ELL2: variants seen among roughly 807,000 people sequenced by gnomAD.
ELL2 encodes RNA polymerase II elongation factor ELL2.
Under a neutral mutation model 72.8 loss-of-function variants are expected in ELL2, and 21 were observed. That is an observed-to-expected ratio of 0.29 (90% CI 0.20 to 0.42). ELL2 has a LOEUF of 0.42. ELL2 is among the 10% of genes least tolerant of loss of function. ELL2 has a pLI of 1.00. For missense variants in ELL2, 568 were observed against 772.8 expected (o/e 0.73, Z 3.14); for synonymous variants, 266 against 283.2 (o/e 0.94, Z 0.61).
At chr5:95,925,282 T>C (rs1308317903) in intron 2 of ELL2, among the ~76,000 whole-genome samples, 1 of 152,206 alleles carries the variant, frequency 6.6e-6, no homozygotes, top group East Asian at 1.9e-4. Context: ...TGGACTCATA[T>C]AGCTGAGCGG....
intron 9 of ELL2, among the ~76,000 whole-genome samples, chr5:95,893,349 C>T (rs1305346916): frequency 1.3e-5 from 2 of 152,092 alleles, no homozygotes; most frequent in East Asian, 1.9e-4. Context: ...GAAATATTTT[C>T]GTTAAGTATG....
At chr5:95,897,486 T>C (rs1748918338) in intron 8 of ELL2, among the ~76,000 whole-genome samples, 1 of 152,244 alleles carries the variant, frequency 6.6e-6, no homozygotes, top group African/African-American at 2.4e-5. Context: ...ACTCAGGACA[T>C]CTTAGGCAAG....
chr5:95,899,924 G>A (rs996464165), intron 7 of ELL2, among the ~76,000 whole-genome samples: 7 of 152,004 alleles, frequency 4.6e-5, no homozygotes, highest in African/African-American at 1.7e-4. Flanking sequence ...GCGAATGGCT[G>A]TTTGCCCAGG....
In ELL2 at chr5:95,945,607, T is replaced by C. The variant is rs373273412; in HGVS notation, c.148-2558A>G. 8.5e-5 allele frequency among the ~76,000 whole-genome samples: 13 copies of C among 152,332 alleles called. No individual in the cohort carries two copies. In the East Asian group the frequency reaches 2.3e-3, roughly 27 times the overall value. ...GAGAATGATTAAGTACTAGGCTAAG[T>C]AGCACTGGGAAGTGTAGTAAGAATT... On this transcript the variant is annotated intron_variant, in intron 1 of 11. Transcript: ENST00000237853.
At chr5:95,905,557 A>G (rs1344988502) in intron 5 of ELL2, among the ~76,000 whole-genome samples, 1 of 152,182 alleles carries the variant, frequency 6.6e-6, no homozygotes, top group Admixed American at 6.5e-5. Flanking sequence ...ATTATTTCCA[A>G]AAAGTGCTAA....
Position 95,924,802 on chromosome 5 carries a change from G to A in ELL2, c.196-5257C>T, listed in dbSNP as rs1376962205. Among the ~76,000 whole-genome samples, 3 of 152,126 alleles carry A rather than the reference G, an allele frequency of 2.0e-5. No individual in the cohort carries two copies. In the East Asian group the frequency reaches 5.8e-4, roughly 29 times the overall value. The stretch of plus-strand genomic sequence containing the variant: ...GGAAACTTTCAGACATTTATAATTA[G>A]CATAAACACTGTATACCAAGATGTG... On this transcript the variant is annotated intron_variant, in intron 2 of 11. Coordinates refer to ENST00000237853, the MANE Select transcript of ELL2 (RefSeq NM_012081.6).
intron 2 of ELL2, among the ~76,000 whole-genome samples, chr5:95,939,820 T>C (rs1201452186): frequency 6.6e-6 from 1 of 152,224 alleles, no homozygotes; most frequent in Admixed American, 6.5e-5. Context: ...CTTTTGGAAA[T>C]TGGGTGCATT....
intron 6 of ELL2, 21 bp from the exon 7 acceptor site, chr5:95,900,801 A>G (rs1317040820): frequency 1.3e-6 from 2 of 1,595,362 alleles, no homozygotes; most frequent in Non-Finnish European, 1.7e-6. Flanking sequence ...CACACATGTT[A>G]TGTGTTAAGG....
At chr5:95,927,678 TACACACACACGTGTGTATATAGACATAC>T (rs1750412135) in intron 2 of ELL2, among the ~76,000 whole-genome samples, 1 of 51,262 alleles carries the variant, frequency 2.0e-5, no homozygotes, top group Non-Finnish European at 3.2e-5. Context: ...TATATAGACA[TACACACACACGTGTGTATATAGACATAC>T]ACACACACAT....
chr5:95,900,898 C>G, intron 6 of ELL2, 58 bp downstream of exon 6: 1 of 1,567,224 alleles, frequency 6.4e-7, no homozygotes, highest in Non-Finnish European at 8.6e-7. Flanking sequence ...AAAATAATGA[C>G]TTATTTCCAT....
chr5:95,919,654 C>T, intron 2 of ELL2, 109 bp from the exon 3 acceptor site: 3 of 1,320,992 alleles, frequency 2.3e-6, no homozygotes, highest in Non-Finnish European at 3.0e-6. Flanking sequence ...AGACCTAAGC[C>T]CTTTTGATAT....
chr5:95,899,541 A>T (rs886232843), intron 7 of ELL2, among the ~76,000 whole-genome samples: 8 of 151,984 alleles, frequency 5.3e-5, no homozygotes, highest in Admixed American at 4.6e-4. Context: ...GAAGTACTTT[A>T]AAAAAAATCA....
Position 95,888,866 on chromosome 5 carries a change from G to A in ELL2, c.*5C>T. ...TTATTCACATCTTCTGGTCCAAGCA[G>A]AGTTCTAGGACCATGACTCTGCTTG... On this transcript the variant is annotated 3_prime_UTR_variant, in exon 12 of 12. Transcript: ENST00000237853. The A allele has an allele frequency of 6.4e-7, 1 of 1,572,042 alleles. No individual in the cohort carries two copies. Among genetic ancestry groups the A allele is most frequent in the Non-Finnish European group, 8.6e-7 (1 of 1,158,944 alleles).
At chr5:95,889,367 A>G (rs1207358651) in intron 10 of ELL2, among the ~76,000 whole-genome samples, 1 of 152,244 alleles carries the variant, frequency 6.6e-6, no homozygotes, top group Non-Finnish European at 1.5e-5. Context: ...ACACATATAC[A>G]AGATTATTCA....
chr5:95,951,523 T>G (rs2112357893), intron 1 of ELL2, among the ~76,000 whole-genome samples: 1 of 152,320 alleles, frequency 6.6e-6, no homozygotes, highest in South Asian at 2.1e-4. Flanking sequence ...AATAAAGATT[T>G]GTTTCCTGGG....
Position 95,888,662 on chromosome 5 carries a change from T to G in ELL2, c.*209A>C. 2.6e-6 allele frequency: 1 copy of G among 383,350 alleles called. No homozygotes were observed. The highest frequency in any genetic ancestry group is 4.5e-5 in the Admixed American group (1 of 22,302). 23.7% of individuals were successfully genotyped at this position (383,350 alleles called of 1,614,324 possible). On this transcript the variant is annotated 3_prime_UTR_variant, in exon 12 of 12. Coordinates refer to ENST00000237853, the MANE Select transcript of ELL2 (RefSeq NM_012081.6). The stretch of plus-strand genomic sequence containing the variant: ...TTATTTCTATTAACAAACACAAGTC[T>G]TGGGGGTGGGGTGGTGGGGAGGACC...
intron 5 of ELL2, 40 bp from the exon 6 acceptor site, chr5:95,901,120 C>T: frequency 1.9e-6 from 3 of 1,562,116 alleles, no homozygotes; most frequent in Non-Finnish European, 2.6e-6. Flanking sequence ...GGTATTTTTA[C>T]TATCATCTCC....
At chr5:95,961,487 G>A (rs1751851104) in intron 1 of ELL2, 88 bp downstream of exon 1, 2 of 1,344,004 alleles carry the variant, frequency 1.5e-6, no homozygotes, top group Non-Finnish European at 1.9e-6. Context: ...GCCAGCCACG[G>A]CTCCGCCGGC....
chr5:95,898,110 T>G, intron 8 of ELL2, 130 bp downstream of exon 8: 1 of 571,592 alleles, frequency 1.7e-6, no homozygotes, highest in Non-Finnish European at 2.6e-6. Flanking sequence ...AAAAAAAAAC[T>G]GCTCAAAAGC....
Sources: gnomAD v4.1 joint callset for allele counts (sites outside exome capture counted in the v4.1 genomes callset) on GRCh38, gnomAD v4.1.1 for gene constraint, MANE v1.5 for transcripts, NCBI Gene and HGNC (gene_info 2026-07-23, HGNC 2026-07-21) for gene names.